Variants in RAPGEF2 observed in about 807,000 individuals in gnomAD.
The protein encoded by RAPGEF2 is Rap guanine nucleotide exchange factor 2.
A neutral mutation model predicts 186.7 loss-of-function variants in RAPGEF2; 54 were observed. The ratio of observed to expected loss-of-function variants is 0.29; its 90% CI spans 0.23 to 0.36. RAPGEF2 has a LOEUF of 0.36. Among genes scored for constraint, RAPGEF2 ranks in the 10% least tolerant of loss-of-function variants. The probability of loss-of-function intolerance (pLI) is 1.00; values close to 1 mark genes in which losing one functional copy is unlikely to be tolerated. For missense variants in RAPGEF2, 1,532 were observed against 2,045.0 expected (o/e 0.75, Z 4.84); for synonymous variants, 712 against 705.9 (o/e 1.01, Z -0.14).
At chr4:159,206,824 TA>T (rs913748555) in intron 3 of RAPGEF2, among the ~76,000 whole-genome samples, 1 of 152,198 alleles carries the variant, frequency 6.6e-6, no homozygotes, top group African/African-American at 2.4e-5. Flanking sequence ...TAACAGGAAC[TA>T]AACATGAATT....
At chr4:159,223,660 G>A (rs1751744723) in intron 4 of RAPGEF2, among the ~76,000 whole-genome samples, 1 of 152,064 alleles carries the variant, frequency 6.6e-6, no homozygotes, top group African/African-American at 2.4e-5. Context: ...TACATTTTAG[G>A]ATGAACGTGT....
chr4:159,337,643 A>C (rs577067227), intron 17 of RAPGEF2, among the ~76,000 whole-genome samples: 2 of 151,914 alleles, frequency 1.3e-5, no homozygotes, highest in South Asian at 4.2e-4. Flanking sequence ...TAATCCTAGC[A>C]CTTTGGGAGG....
chr4:159,276,833 TAAG>T (rs1259386946), intron 7 of RAPGEF2, among the ~76,000 whole-genome samples: 1 of 140,348 alleles, frequency 7.1e-6, no homozygotes. Flanking sequence ...GTAGTGATAT[TAAG>T]AAGTTTTTTC....
chr4:159,349,593 A>G (rs1194353335), intron 25 of RAPGEF2, among the ~76,000 whole-genome samples: 1 of 152,140 alleles, frequency 6.6e-6, no homozygotes, highest in African/African-American at 2.4e-5. Context: ...TTACTTGATC[A>G]AGTATTAACT....
At chr4:159,158,369 C>T (rs188695649) in intron 1 of RAPGEF2, among the ~76,000 whole-genome samples, 131 of 152,214 alleles carry the variant, frequency 8.6e-4, no homozygotes, top group Non-Finnish European at 1.4e-3. Flanking sequence ...TTTCCTTTGG[C>T]TCTCCTTTTT....
intron 1 of RAPGEF2, among the ~76,000 whole-genome samples, chr4:159,153,931 T>A (rs572948349): frequency 6.6e-6 from 1 of 152,190 alleles, no homozygotes; most frequent in Non-Finnish European, 1.5e-5. Context: ...AATTAGTACT[T>A]GAGTAAACAA....
At chr4:159,247,069 A>G (rs1423467682) in intron 7 of RAPGEF2, among the ~76,000 whole-genome samples, 1 of 152,170 alleles carries the variant, frequency 6.6e-6, no homozygotes, top group Non-Finnish European at 1.5e-5. Context: ...TTGTTTGCTT[A>G]ATTGTACCTG....
At chr4:159,163,620 GAC>G (rs1744952801) in intron 1 of RAPGEF2, among the ~76,000 whole-genome samples, 2 of 152,142 alleles carry the variant, frequency 1.3e-5, no homozygotes, top group African/African-American at 4.8e-5. Context: ...AACTGTCTAA[GAC>G]ATGTCAAGAA....
At chr4:159,182,648 G>C (rs533495181) in intron 1 of RAPGEF2, among the ~76,000 whole-genome samples, 1 of 151,906 alleles carries the variant, frequency 6.6e-6, no homozygotes, top group Non-Finnish European at 1.5e-5. Flanking sequence ...TGTCTACCTC[G>C]GCTTCCCAAA....
At chr4:159,332,210 A>G (rs1252133344) in intron 16 of RAPGEF2, among the ~76,000 whole-genome samples, 176 bp downstream of exon 16, 2 of 152,096 alleles carry the variant, frequency 1.3e-5, no homozygotes, top group Non-Finnish European at 2.9e-5. Flanking sequence ...TCTTTTATTG[A>G]TAAATACTAA....
intron 1 of RAPGEF2, among the ~76,000 whole-genome samples, chr4:159,162,061 C>A (rs1178738512): frequency 6.6e-6 from 1 of 151,868 alleles, no homozygotes; most frequent in African/African-American, 2.4e-5. Flanking sequence ...TATATGTTGT[C>A]TCTAACATAT....
At chr4:159,114,095 G>A (rs1005826876) in intron 1 of RAPGEF2, among the ~76,000 whole-genome samples, 1 of 151,530 alleles carries the variant, frequency 6.6e-6, no homozygotes, top group Non-Finnish European at 1.5e-5. Flanking sequence ...TGGGACCGCA[G>A]GCATGCACCA....
At chr4:159,356,507 CAA>C (rs2111354211) in intron 29 of RAPGEF2, among the ~76,000 whole-genome samples, 1 of 152,236 alleles carries the variant, frequency 6.6e-6, no homozygotes, top group African/African-American at 2.4e-5. Flanking sequence ...TAAAAAATCC[CAA>C]AGATTATGGA....
At chr4:159,263,822 GA>G (rs911878533) in intron 7 of RAPGEF2, among the ~76,000 whole-genome samples, 13 of 150,356 alleles carry the variant, frequency 8.6e-5, no homozygotes, top group South Asian at 6.3e-4. Flanking sequence ...ACTTTAGGTG[GA>G]AAAAAAAAGA....
At chr4:159,119,695 A>C (rs1295437519) in intron 1 of RAPGEF2, among the ~76,000 whole-genome samples, 1 of 152,212 alleles carries the variant, frequency 6.6e-6, no homozygotes, top group African/African-American at 2.4e-5. Flanking sequence ...CCTCAGTCTC[A>C]TTTACAAATA....
At chr4:159,330,100 C>T in intron 12 of RAPGEF2, 90 bp downstream of exon 12, 1 of 1,347,342 alleles carries the variant, frequency 7.4e-7, no homozygotes, top group Non-Finnish European at 1.0e-6. Flanking sequence ...CATTTTTAGG[C>T]CTATCTCTTA....
At chr4:159,310,297 T>G (rs1273105792) in intron 8 of RAPGEF2, among the ~76,000 whole-genome samples, 1 of 152,164 alleles carries the variant, frequency 6.6e-6, no homozygotes, top group East Asian at 1.9e-4. Context: ...GGATTGTAAT[T>G]TTGGGGAAGC....
At chr4:159,347,475 T>A (rs1276985007) in intron 25 of RAPGEF2, among the ~76,000 whole-genome samples, 2 of 152,182 alleles carry the variant, frequency 1.3e-5, no homozygotes, top group African/African-American at 4.8e-5. Context: ...AAATTACACT[T>A]CATCTTTCCT....
At chr4:159,157,950 C>G (rs1318137953) in intron 1 of RAPGEF2, among the ~76,000 whole-genome samples, 1 of 151,970 alleles carries the variant, frequency 6.6e-6, no homozygotes, top group Non-Finnish European at 1.5e-5. Flanking sequence ...GGGTAGGGAC[C>G]GAGACAGGCA....
Sources: gnomAD v4.1 joint callset for allele counts (sites outside exome capture counted in the v4.1 genomes callset) on GRCh38, gnomAD v4.1.1 for gene constraint, MANE v1.5 for transcripts, NCBI Gene and HGNC (gene_info 2026-07-23, HGNC 2026-07-21) for gene names.